CSPP1: variants seen among roughly 807,000 people sequenced by gnomAD.
CSPP1 encodes centrosome and spindle pole associated protein 1.
A neutral mutation model predicts 164.4 loss-of-function variants in CSPP1; 126 were observed. The ratio of observed to expected loss-of-function variants is 0.77; its 90% confidence interval spans 0.66 to 0.89. CSPP1 has a LOEUF of 0.89. CSPP1 is among the 40% of genes least tolerant of loss of function. The probability of loss-of-function intolerance (pLI) is 0.00; values close to 1 mark genes in which losing one functional copy is unlikely to be tolerated. For synonymous variants in CSPP1, 472 were observed against 476.7 expected, an observed-to-expected ratio of 0.99 and a Z score of 0.13; for missense variants, 1,395 against 1,449.8, an observed-to-expected ratio of 0.96 and a Z score of 0.61.
intron 1 of CSPP1, chr8:67,064,979 C>T (rs2129538574): frequency 6.4e-6 from 1 of 156,214 alleles, no homozygotes; most frequent in African/African-American, 2.4e-5. Flanking sequence ...CCTAGTCAGC[C>T]ACCTCCAGGG....
intron 2 of CSPP1, 81 bp downstream of exon 2, chr8:67,074,432 C>T: frequency 1.3e-6 from 1 of 758,234 alleles, no homozygotes; most frequent in Non-Finnish European, 2.1e-6. Context: ...AAAACATCCT[C>T]TTCTATGAGT....
At chr8:67,075,695 T>G (rs1054282632) in intron 2 of CSPP1, among the ~76,000 whole-genome samples, 2 of 152,240 alleles carry the variant, frequency 1.3e-5, no homozygotes, top group African/African-American at 4.8e-5. Context: ...CCAGATAACC[T>G]GTCATGTACC....
Position 67,195,391 on chromosome 8 carries a change from G to C in CSPP1, c.3479G>C (p.Ser1160Thr), listed in dbSNP as rs1170601676. The part of the protein sequence containing the change: ...HNKPINTDDE[S>T]SLVDPDDIMK... Reference sequence around the variant, plus strand: ...CCCTTGCCTCCTGTAGATGATGAGAGTTCACTGGTTGACCCTGATGACATC... The same window carrying C: ...CCCTTGCCTCCTGTAGATGATGAGACTTCACTGGTTGACCCTGATGACATC... Residue 1160 changes from serine (S) to threonine (T), a missense_variant, in exon 31 of 31, where the codon AGT (serine) becomes ACT (threonine). By Grantham distance (58) the Ser-to-Thr change is moderately conservative. Transcript: ENST00000678616. 7 of 1,613,424 alleles carry C rather than the reference G, an allele frequency of 4.3e-6. No individual in the cohort carries two copies. The highest frequency in any genetic ancestry group is 3.3e-5 in the Admixed American group (2 of 60,004).
chr8:67,091,979 A>C (rs1395865082), intron 5 of CSPP1, 96 bp downstream of exon 5: 2 of 326,932 alleles, frequency 6.1e-6, no homozygotes, highest in Admixed American at 5.5e-5. Flanking sequence ...ATGGAAGATC[A>C]CATCATTTCC....
At chr8:67,137,261 T>C (rs996012263) in intron 16 of CSPP1, among the ~76,000 whole-genome samples, 195 bp from the exon 17 acceptor site, 4 of 152,036 alleles carry the variant, frequency 2.6e-5, no homozygotes, top group African/African-American at 7.2e-5. Context: ...CCACGACACC[T>C]GACCTAAAGT....
In CSPP1 at chr8:67,132,006, G is replaced by A. The variant is rs1821331188; in HGVS notation, c.1753G>A (p.Gly585Arg). 3.1e-6 allele frequency: 5 copies of A among 1,613,502 alleles called. No individual in the cohort carries two copies. Among genetic ancestry groups the A allele is most frequent in the Admixed American group, 1.7e-5 (1 of 59,982 alleles). ...TACAAGTGATCAAGTGATAAATTCAGGATTGATTTTTGAAGATAAACCGAA... is the reference window on the plus strand; with the variant it reads ...TACAAGTGATCAAGTGATAAATTCAAGATTGATTTTTGAAGATAAACCGAA... ...KITSDQVINS[G>R]LIFEDKPKPS... Residue 585 changes from glycine (G) to arginine (R), a missense_variant, in exon 16 of 31, where the codon GGA (glycine) becomes AGA (arginine). Transcript: ENST00000678616.
chr8:67,103,028 GT>G lies in CSPP1; in HGVS notation c.924-4del. 1 of 1,562,192 alleles carries G rather than the reference GT, an allele frequency of 6.4e-7. No homozygotes were observed. Among genetic ancestry groups the G allele is most frequent in the Non-Finnish European group, 8.8e-7 (1 of 1,133,022 alleles). ...TGGCACATGCTTTATAAGCTAATGT[GT>G]TTTTAAGGATGCACAGGAACAAACG... On this transcript the variant is annotated splice_region_variant and splice_polypyrimidine_tract_variant and intron_variant, in intron 7 of 30. Coordinates refer to ENST00000678616, the MANE Select transcript of CSPP1 (RefSeq NM_001382391.1).
intron 15 of CSPP1, among the ~76,000 whole-genome samples, chr8:67,121,540 AT>A (rs1232575226): frequency 6.6e-5 from 10 of 152,238 alleles, no homozygotes; most frequent in African/African-American, 2.2e-4. Context: ...ATGGTGTATA[AT>A]CATTTTAATA....
At chr8:67,089,398 T>A (rs1811145437) in intron 4 of CSPP1, among the ~76,000 whole-genome samples, 1 of 152,196 alleles carries the variant, frequency 6.6e-6, no homozygotes, top group African/African-American at 2.4e-5. Flanking sequence ...TCTAGCTGGC[T>A]GCATAATTCA....
intron 3 of CSPP1, chr8:67,080,768 T>C (rs182972728): frequency 1.3e-5 from 2 of 152,246 alleles, no homozygotes; most frequent in African/African-American, 2.4e-5. Context: ...TTGAGACACA[T>C]AGGGTAAGGT....
At chr8:67,136,229 A>C (rs1822236713) in intron 16 of CSPP1, among the ~76,000 whole-genome samples, 1 of 152,148 alleles carries the variant, frequency 6.6e-6, no homozygotes, top group Non-Finnish European at 1.5e-5. Context: ...AATGGTACTG[A>C]TAGACTTCCT....
At chr8:67,182,689 G>C (rs180809652) in intron 28 of CSPP1, among the ~76,000 whole-genome samples, 1 of 152,254 alleles carries the variant, frequency 6.6e-6, no homozygotes, top group Admixed American at 6.5e-5. Flanking sequence ...CGGGTGTGAC[G>C]TGGCATCTCA....
intron 8 of CSPP1, among the ~76,000 whole-genome samples, chr8:67,104,625 A>T (rs1407772850): frequency 6.7e-6 from 1 of 149,140 alleles, no homozygotes; most frequent in Non-Finnish European, 1.5e-5. Context: ...ATTTACGTGC[A>T]CTTTTTTTCT....
rs770289522 is a variant in CSPP1 at position 67,074,238 on chromosome 8, T to C, written c.-10-5T>C. The C allele has an allele frequency of 1.3e-6, 2 of 1,588,134 alleles. No homozygotes were observed. Among genetic ancestry groups the C allele is most frequent in the Non-Finnish European group, 1.7e-6 (2 of 1,161,440 alleles). On this transcript the variant is annotated splice_region_variant and splice_polypyrimidine_tract_variant and intron_variant, in intron 1 of 30. Coordinates refer to ENST00000678616, the MANE Select transcript of CSPP1 (RefSeq NM_001382391.1). The stretch of plus-strand genomic sequence containing the variant: ...AGATACGCTCACTGAAATTTTTTTT[T>C]AAAGAATCTGCAAAATGGCTGATAA...
chr8:67,101,627 A>G (rs571375821), intron 7 of CSPP1, among the ~76,000 whole-genome samples: 7 of 152,346 alleles, frequency 4.6e-5, no homozygotes, highest in African/African-American at 1.7e-4. Flanking sequence ...GAAGCCATTC[A>G]TGCGTTATGC....
chr8:67,175,346 G>A lies in CSPP1; in HGVS notation c.3019G>A (p.Asp1007Asn). The change falls in exon 26 of 31, where the codon GAT becomes AAT. Residue 1007 changes from aspartate (D) to asparagine (N), a missense_variant. Coordinates refer to ENST00000678616, the MANE Select transcript of CSPP1 (RefSeq NM_001382391.1). ...LKFMYLDPPR[D>N]HHTLEIQQQA... ...ATTTATGTACCTGGATCCTCCAAGA[G>A]ATCATCACACCTTAGAGATTCAGCA... 6.2e-7 allele frequency: 1 copy of A among 1,613,430 alleles called. No individual in the cohort carries two copies. The highest frequency in any genetic ancestry group is 1.1e-5 in the South Asian group (1 of 91,066).
intron 5 of CSPP1, among the ~76,000 whole-genome samples, chr8:67,093,325 G>T (rs930522903): frequency 1.3e-5 from 2 of 152,176 alleles, no homozygotes. Flanking sequence ...ATTCTCATGT[G>T]ACAAGAAAGA....
At chr8:67,134,114 T>C (rs1224018912) in intron 16 of CSPP1, 1 of 152,242 alleles carries the variant, frequency 6.6e-6, no homozygotes, top group Non-Finnish European at 1.5e-5. Flanking sequence ...ATACTGTTGA[T>C]ATTTTGACTT....
intron 9 of CSPP1, among the ~76,000 whole-genome samples, chr8:67,106,383 G>A (rs149384276): frequency 1.3e-5 from 2 of 151,928 alleles, no homozygotes; most frequent in East Asian, 3.9e-4. Context: ...CAGTGTGGCT[G>A]TTTCTTTTCT....
Sources: allele counts gnomAD v4.1 joint callset (sites outside exome capture counted in the v4.1 genomes callset), GRCh38; gene constraint gnomAD v4.1.1; transcripts MANE v1.5; gene names NCBI Gene and HGNC (gene_info 2026-07-23, HGNC 2026-07-21).